The following ZNF846 variants were observed in gnomAD, a reference collection of about 807,000 sequenced individuals.
ZNF846 encodes the protein zinc finger protein 420 pseudogene.
ZNF846 carries 15 observed loss-of-function variants against 16.0 expected under a neutral mutation model. The ratio of observed to expected loss-of-function variants is 0.94; its 90% CI spans 0.63 to 1.45. The LOEUF is 1.45. Among genes scored for constraint, ZNF846 ranks in the 40% most tolerant of loss-of-function variants. The pLI is 0.00. For missense variants in ZNF846, 714 were observed against 622.3 expected, an observed-to-expected ratio of 1.15 and a Z score of -1.57; for synonymous variants, 229 against 212.0, an observed-to-expected ratio of 1.08 and a Z score of -0.70.
downstream of ZNF846, chr19:9,755,408 A>G (rs1046737779): frequency 1.3e-5 from 2 of 151,550 alleles, no homozygotes; most frequent in African/African-American, 4.9e-5. Context: ...TCTTGTGTAC[A>G]GTAACAGTAG....
At chr19:9,752,408 C>CACCAGCCT in exon 6 of ZNF846, 1 of 374,788 alleles carries the variant, frequency 2.7e-6, no homozygotes, top group South Asian at 2.0e-5. Context: ...AGGAGTTTGA[C>CACCAGCCT]ACCAGCCTGG....
Position 9,774,769 on chromosome 19 carries a change from T to A in ZNF846, c.-85-9734A>T, listed in dbSNP as rs1452034706. On this transcript the variant is annotated intron_variant, in intron 1 of 4. Transcript: ENST00000586814. ...GGCAGGTCTGTCTGTCAGTAATTAG[T>A]GCTGAAAACTGGAAGCCAGCAACCA... is the stretch of plus-strand genomic sequence containing the variant. 1.9e-6 allele frequency: 3 copies of A among 1,571,630 alleles called. No individual in the cohort carries two copies. The African/African-American group carries it at 4.1e-5, about 21-fold the overall frequency.
intron 1 of ZNF846, among the ~76,000 whole-genome samples, chr19:9,782,121 T>G (rs2045508102): frequency 6.6e-6 from 1 of 152,030 alleles, no homozygotes. Context: ...AGAAGAACTT[T>G]CCCTCAATAT....
At chr19:9,777,689 T>C (rs2045461390) in intron 1 of ZNF846, among the ~76,000 whole-genome samples, 1 of 151,192 alleles carries the variant, frequency 6.6e-6, no homozygotes, top group African/African-American at 2.4e-5. Flanking sequence ...ATTTAAACAA[T>C]TGGATGTGGA....
exon 6 of ZNF846, chr19:9,758,143 A>G (rs772117409): frequency 2.5e-6 from 4 of 1,613,432 alleles, no homozygotes; most frequent in Non-Finnish European, 3.4e-6. Flanking sequence ...CATTCCATAC[A>G]TACATAGGGC....
At chr19:9,779,085 A>G (rs768168930) in intron 1 of ZNF846, among the ~76,000 whole-genome samples, 20 of 152,158 alleles carry the variant, frequency 1.3e-4, no homozygotes, top group African/African-American at 1.7e-4. Context: ...CATTTGTAAA[A>G]TGAGGGTTAG....
intron 5 of ZNF846, 130 bp downstream of exon 5, chr19:9,759,728 CAT>C (rs2045191842): frequency 4.9e-6 from 3 of 615,020 alleles, no homozygotes; most frequent in Non-Finnish European, 8.5e-6. Context: ...GAGTGCTTCC[CAT>C]ATTCATGATA....
At chr19:9,779,190 G>A (rs1041694189) in intron 1 of ZNF846, among the ~76,000 whole-genome samples, 13 of 152,232 alleles carry the variant, frequency 8.5e-5, no homozygotes, top group Non-Finnish European at 1.6e-4. Flanking sequence ...CTGTAGCTTC[G>A]GGGTGTCACC....
At chr19:9,769,130 G>A (rs1393880593), upstream of ZNF846, among the ~76,000 whole-genome samples, 2 of 152,170 alleles carry the variant, frequency 1.3e-5, no homozygotes, top group African/African-American at 4.8e-5. Context: ...TGTCGCCTAG[G>A]CTGGAGTGCA....
At chr19:9,769,960 G>A (rs866870488), upstream of ZNF846, among the ~76,000 whole-genome samples, 1 of 145,218 alleles carries the variant, frequency 6.9e-6, no homozygotes, top group East Asian at 2.0e-4. Flanking sequence ...CAGCCTGGGC[G>A]ACAGAGTGAG....
chr19:9,773,763 C>G lies in ZNF846; in HGVS notation c.-85-8728G>C, dbSNP rs573409000. 3.9e-5 allele frequency among the ~76,000 whole-genome samples: 6 copies of G among 152,002 alleles called. 1 individual carries two copies. The Middle Eastern group carries it at 0.02, about 517-fold the overall frequency. Reference sequence around the variant, plus strand: ...CACCACTGCACTTCAGCCTGGGCGACAGAGCGAAACTCCATCTCAAAAAAA... The same window carrying G: ...CACCACTGCACTTCAGCCTGGGCGAGAGAGCGAAACTCCATCTCAAAAAAA... On this transcript the variant is annotated intron_variant, in intron 1 of 4. Transcript: ENST00000586814.
At chr19:9,757,353 T>A, downstream of ZNF846, 1 of 770,308 alleles carries the variant, frequency 1.3e-6, no homozygotes, top group East Asian at 2.6e-5. Context: ...CTTGTGTCCA[T>A]GTTAAATTCA....
rs777003958 is a variant in ZNF846 at position 9,758,148 on chromosome 19, T to C, written c.929A>G (p.Tyr310Cys). Residue 310 changes from tyrosine to cysteine, a missense_variant, in exon 6 of 6, where the codon TAT becomes TGT. Coordinates refer to ENST00000397902, the Ensembl canonical transcript of ZNF846. ...GGCTTTTCCACATTCCATACATACATAGGGCTTCTTTCCACTGTGGATTCT... is the reference window on the plus strand; with the variant it reads ...GGCTTTTCCACATTCCATACATACACAGGGCTTCTTTCCACTGTGGATTCT... The C allele has an allele frequency of 8.1e-6, 13 of 1,613,420 alleles. No individual in the cohort carries two copies. The Middle Eastern group carries it at 4.9e-4, about 61-fold the overall frequency.
intron 1 of ZNF846, chr19:9,774,740 A>C: frequency 6.4e-7 from 1 of 1,557,344 alleles, no homozygotes; most frequent in Non-Finnish European, 8.8e-7. Flanking sequence ...TATCGACGAA[A>C]AGGGGCAGGT....
downstream of ZNF846, among the ~76,000 whole-genome samples, chr19:9,753,790 T>G (rs1233640608): frequency 4.0e-5 from 6 of 151,752 alleles, no homozygotes; most frequent in African/African-American, 1.5e-4. Flanking sequence ...TTTCAGTCTT[T>G]TACATTTCAT....
downstream of ZNF846, among the ~76,000 whole-genome samples, chr19:9,753,403 C>A (rs957250206): frequency 1.3e-5 from 2 of 148,998 alleles, no homozygotes; most frequent in Non-Finnish European, 3.0e-5. Flanking sequence ...AGGCACCCAG[C>A]ACCACACTGG....
intron 4 of ZNF846, among the ~76,000 whole-genome samples, chr19:9,760,325 A>G (rs919077643): frequency 1.3e-5 from 2 of 151,128 alleles, no homozygotes; most frequent in East Asian, 3.9e-4. Context: ...CAGACATAGC[A>G]TAATCAAATG....
downstream of ZNF846, among the ~76,000 whole-genome samples, chr19:9,752,886 T>C (rs939692493): frequency 2.6e-5 from 4 of 152,172 alleles, no homozygotes; most frequent in African/African-American, 9.7e-5. Context: ...TCACTGTATC[T>C]GTCCATTCAG....
At chr19:9,784,014 AT>A (rs962105619) in intron 1 of ZNF846, among the ~76,000 whole-genome samples, 4 of 151,936 alleles carry the variant, frequency 2.6e-5, no homozygotes, top group East Asian at 1.9e-4. Context: ...GATAATGGTG[AT>A]TTTTTTTCCT....
Sources: allele counts gnomAD v4.1 joint callset (sites outside exome capture counted in the v4.1 genomes callset), GRCh38; gene constraint gnomAD v4.1.1; transcripts MANE v1.5; gene names NCBI Gene and HGNC (gene_info 2026-07-23, HGNC 2026-07-21).